The following F13A1 variants were observed in gnomAD, a reference collection of about 807,000 sequenced individuals.
F13A1 encodes FSF, A subunit.
A neutral mutation model predicts 80.1 loss-of-function variants in F13A1; 47 were observed. The ratio of observed to expected loss-of-function variants is 0.59; its 90% CI spans 0.46 to 0.75. The LOEUF (loss-of-function observed/expected upper bound fraction) is 0.75. Among genes scored for constraint, F13A1 ranks in the 30% least tolerant of loss-of-function variants. The pLI is 0.00. For synonymous variants in F13A1, 349 were observed against 344.9 expected (o/e 1.01, Z -0.13); for missense variants, 817 against 930.4 (o/e 0.88, Z 1.59).
chr6:6,272,773 A>G (rs1757940013), intron 3 of F13A1, among the ~76,000 whole-genome samples: 3 of 152,212 alleles, frequency 2.0e-5, no homozygotes, highest in Admixed American at 2.0e-4. Context: ...GAAAGTCCAG[A>G]TGTCCCAATA....
intron 8 of F13A1, chr6:6,206,745 T>C (rs1583071376): frequency 2.8e-6 from 1 of 361,586 alleles, no homozygotes; most frequent in East Asian, 7.6e-5. Flanking sequence ...ACATACATAA[T>C]TTTCTAAAAG....
At chr6:6,268,413 T>G (rs1164079508) in intron 3 of F13A1, among the ~76,000 whole-genome samples, 1 of 152,178 alleles carries the variant, frequency 6.6e-6, no homozygotes, top group Non-Finnish European at 1.5e-5. Context: ...GGAGTTCAGA[T>G]TTGAACCCAG....
chr6:6,268,808 C>T lies in F13A1; in HGVS notation c.320-1999G>A, dbSNP rs144584267. Among the ~76,000 whole-genome samples, 143 of 151,800 alleles carry T rather than the reference C, an allele frequency of 9.4e-4. 1 individual carries two copies. In the East Asian group the frequency reaches 0.014, roughly 15 times the overall value. ...GGTTCAAGCAATTTTCCTGCCTCAGCCTCCCAAGTAGCTGGGATTACAGGC... is the reference window on the plus strand; with the variant it reads ...GGTTCAAGCAATTTTCCTGCCTCAGTCTCCCAAGTAGCTGGGATTACAGGC... On this transcript the variant is annotated intron_variant, in intron 3 of 14. Transcript: ENST00000264870.
chr6:6,158,674 G>A (rs4959372), intron 13 of F13A1, among the ~76,000 whole-genome samples: 72,374 of 151,474 alleles, frequency 0.48, 17,429 homozygotes, highest in African/African-American at 0.56. Flanking sequence ...CACAGAGAGT[G>A]CAGGAGGCTG....
intron 6 of F13A1, among the ~76,000 whole-genome samples, chr6:6,232,739 A>G (rs1025900501): frequency 2.6e-5 from 4 of 152,198 alleles, no homozygotes; most frequent in Non-Finnish European, 5.9e-5. Context: ...GAAAATTGGA[A>G]TTATATCAAG....
chr6:6,277,006 G>A (rs1048613221), intron 3 of F13A1, among the ~76,000 whole-genome samples: 7 of 151,952 alleles, frequency 4.6e-5, no homozygotes, highest in Non-Finnish European at 1.0e-4. Flanking sequence ...AAACTGAGCC[G>A]CAGCCATGAT....
intron 3 of F13A1, among the ~76,000 whole-genome samples, chr6:6,295,603 T>C (rs1403629108): frequency 6.9e-6 from 1 of 144,074 alleles, no homozygotes; most frequent in East Asian, 2.0e-4. Context: ...TTTGTTTTTT[T>C]CTTGTAAATT....
chr6:6,289,330 T>G (rs1758188458), intron 3 of F13A1, among the ~76,000 whole-genome samples: 1 of 152,114 alleles, frequency 6.6e-6, no homozygotes, highest in South Asian at 2.1e-4. Flanking sequence ...ATCCCTGAGA[T>G]GGCCTACAAA....
At chr6:6,233,167 G>T (rs1206573582) in intron 6 of F13A1, among the ~76,000 whole-genome samples, 1 of 151,666 alleles carries the variant, frequency 6.6e-6, no homozygotes, top group Admixed American at 6.6e-5. Context: ...ACAAAAAGCT[G>T]GTTATTTAAA....
At chr6:6,185,063 C>G (rs1229755668) in intron 10 of F13A1, among the ~76,000 whole-genome samples, 1 of 151,880 alleles carries the variant, frequency 6.6e-6, no homozygotes, top group Non-Finnish European at 1.5e-5. Context: ...TAGATAAGTT[C>G]AGAGTGTATG....
At chr6:6,199,717 G>A (rs1350446072) in intron 8 of F13A1, among the ~76,000 whole-genome samples, 1 of 152,142 alleles carries the variant, frequency 6.6e-6, no homozygotes, top group South Asian at 2.1e-4. Flanking sequence ...GCTATAAAAA[G>A]CCATTGGAAT....
intron 3 of F13A1, among the ~76,000 whole-genome samples, chr6:6,303,166 T>C (rs1758460045): frequency 6.6e-6 from 1 of 152,200 alleles, no homozygotes; most frequent in Non-Finnish European, 1.5e-5. Context: ...TACTAAATAT[T>C]TTTCATAGTA....
chr6:6,184,996 A>G (rs1354555867), intron 10 of F13A1, among the ~76,000 whole-genome samples: 1 of 152,154 alleles, frequency 6.6e-6, no homozygotes, highest in Non-Finnish European at 1.5e-5. Context: ...AGGAGCTTAA[A>G]AAAGCATGGA....
At chr6:6,299,536 C>T (rs1477714576) in intron 3 of F13A1, among the ~76,000 whole-genome samples, 2 of 134,646 alleles carry the variant, frequency 1.5e-5, no homozygotes, top group African/African-American at 3.5e-5. Flanking sequence ...TCCAGTTGAT[C>T]GCATCGGCTC....
chr6:6,272,008 T>C (rs1757927811), intron 3 of F13A1, among the ~76,000 whole-genome samples: 1 of 152,226 alleles, frequency 6.6e-6, no homozygotes, highest in Admixed American at 6.5e-5. Context: ...GTGCACAGTT[T>C]CTTGATATTA....
chr6:6,174,926 C>T (rs1760854736), intron 11 of F13A1, 59 bp from the exon 12 acceptor site: 1 of 1,598,980 alleles, frequency 6.3e-7, no homozygotes, highest in East Asian at 2.2e-5. Context: ...GAGAAAGTCA[C>T]ATTAATGGAT....
intron 10 of F13A1, among the ~76,000 whole-genome samples, chr6:6,194,638 C>G (rs1195021786): frequency 6.6e-6 from 1 of 152,214 alleles, no homozygotes; most frequent in East Asian, 1.9e-4. Flanking sequence ...GATCTGTGCT[C>G]TCTACATGGC....
intron 8 of F13A1, among the ~76,000 whole-genome samples, chr6:6,220,679 T>C (rs1757180088): frequency 1.3e-5 from 2 of 152,184 alleles, no homozygotes; most frequent in Admixed American, 1.3e-4. Flanking sequence ...GGTGACTATT[T>C]TGGTCTGTTT....
chr6:6,316,971 TTCCCAA>T (rs1013168569), intron 2 of F13A1, among the ~76,000 whole-genome samples: 3 of 152,166 alleles, frequency 2.0e-5, no homozygotes, highest in Non-Finnish European at 4.4e-5. Context: ...GTTCCCGTTT[TTCCCAA>T]TCCTGGCAAG....
Sources: gnomAD v4.1 joint callset for allele counts (sites outside exome capture counted in the v4.1 genomes callset) on GRCh38, gnomAD v4.1.1 for gene constraint, MANE v1.5 for transcripts, NCBI Gene and HGNC (gene_info 2026-07-23, HGNC 2026-07-21) for gene names.